KLK8: variants seen among roughly 807,000 people sequenced by gnomAD.
The protein encoded by KLK8 is kallikrein-8.
KLK8 carries 18 observed loss-of-function variants against 26.7 expected under a neutral mutation model. The observed-to-expected ratio is 0.67, with a 90% CI of 0.47 to 1.00. The LOEUF (loss-of-function observed/expected upper bound fraction) is 1.00, where lower values mean the gene tolerates loss of function less well. Ranked by LOEUF, KLK8 falls within the 50% of genes least tolerant of loss-of-function variation. The pLI is 0.00. For synonymous variants in KLK8, 137 were observed against 127.1 expected (o/e 1.08, Z -0.52); for missense variants, 301 against 331.7 (o/e 0.91, Z 0.72).
At position 51,000,122 on chromosome 19, in the gene KLK8, G is replaced by C. The variant is rs566546307; in HGVS notation, c.367C>G (p.Leu123Val). 6 of 1,613,998 alleles carry C rather than the reference G, an allele frequency of 3.7e-6. No homozygotes were observed. Among genetic ancestry groups the C allele is most frequent in the Non-Finnish European group, 5.1e-6 (6 of 1,179,980 alleles). ...GATGCCTGGTCACGCAGTTGAAGAA[G>C]CATCAGATCATGGTTGTGGTCCTCC... The change falls in exon 5 of 7, where the codon CTT becomes GTT. Residue 123 changes from leucine to valine, a missense_variant. Transcript: ENST00000600767.
At chr19:50,998,134 A>C (rs2091187553) in intron 5 of KLK8, among the ~76,000 whole-genome samples, 2 of 151,988 alleles carry the variant, frequency 1.3e-5, no homozygotes. Flanking sequence ...ACCCTGAGCC[A>C]TTTTCAAATC....
rs535076277 is a variant in KLK8 at position 51,001,430 on chromosome 19, G to A, written c.-9+102C>T. The A allele has an allele frequency of 1.4e-5, 7 of 492,870 alleles. No homozygotes were observed. In the East Asian group the frequency reaches 2.5e-4, roughly 17 times the overall value. 30.5% of individuals were successfully genotyped at this position (492,870 alleles called of 1,614,324 possible). A position where few individuals can be genotyped will look rare whatever the true frequency, so the allele number is the denominator to read the frequency against. ...AGAGGAGGAAGCCGGGGTCCAGACT[G>A]CTGGATCTCGACAGAGAAGGGCATC... On this transcript the variant is annotated intron_variant, in intron 2 of 6. Transcript: ENST00000600767.
At chr19:50,996,260 A>G in intron 6 of KLK8, 46 bp from the exon 6 acceptor site, 1 of 1,595,280 alleles carries the variant, frequency 6.3e-7, no homozygotes, top group Non-Finnish European at 8.6e-7. Context: ...GATGTCCACA[A>G]CGTCCCTTTT....
At chr19:50,999,156 T>C (rs2091196456) in intron 5 of KLK8, 1 of 152,194 alleles carries the variant, frequency 6.6e-6, no homozygotes, top group Admixed American at 6.5e-5. Flanking sequence ...AGGGACAGCT[T>C]CATTGGAGGT....
chr19:51,000,782 T>G (rs1319607852), intron 3 of KLK8, 199 bp from the exon 3 acceptor site: 2 of 1,460,422 alleles, frequency 1.4e-6, no homozygotes, highest in African/African-American at 2.8e-5. Context: ...CACCCAAGAA[T>G]GCCCCCACAT....
rs189518767 is a variant in KLK8 at position 51,001,235 on chromosome 19, T to C, written c.-8-60A>G. The C allele has an allele frequency of 2.6e-4, 390 of 1,483,514 alleles. 1 individual carries two copies. In the African/African-American group the frequency reaches 3.4e-3, roughly 13 times the overall value. 91.9% of individuals were successfully genotyped at this position (1,483,514 alleles called of 1,614,324 possible). ...AAGGAGGAGCCTGAGCTCCCAGTTC[T>C]GGATTTGGGCACTGGGGAGGCAGCC... On this transcript the variant is annotated intron_variant, in intron 2 of 6. Coordinates refer to ENST00000600767, the Ensembl canonical transcript of KLK8.
chr19:50,996,939 C>CACACACACA (rs2091175929), intron 6 of KLK8, among the ~76,000 whole-genome samples: 1 of 143,212 alleles, frequency 7.0e-6, no homozygotes, highest in Non-Finnish European at 1.5e-5. Flanking sequence ...CACACACACA[C>CACACACACA]CATATCCCCA....
At chr19:51,001,038 C>G in intron 3 of KLK8, 60 bp downstream of exon 2, 13 of 1,484,766 alleles carry the variant, frequency 8.8e-6, no homozygotes, top group Non-Finnish European at 1.2e-5. Context: ...CCACAGACTC[C>G]CCAGCGCCAC....
At chr19:50,996,921 CACACACACACACACA>C (rs1568554316) in intron 6 of KLK8, among the ~76,000 whole-genome samples, 52 of 151,518 alleles carry the variant, frequency 3.4e-4, no homozygotes, top group South Asian at 2.7e-3. Context: ...CACACACACA[CACACACACACACACA>C]CACCATATCC....
chr19:50,999,658 T>C (rs1318817738), intron 5 of KLK8, among the ~76,000 whole-genome samples: 1 of 132,892 alleles, frequency 7.5e-6, no homozygotes, highest in Non-Finnish European at 1.5e-5. Flanking sequence ...CTTAGGAGCC[T>C]GTTTTCCTGG....
intron 5 of KLK8, among the ~76,000 whole-genome samples, chr19:50,999,724 AACCAAAGG>A (rs1568555610): frequency 6.6e-6 from 1 of 151,564 alleles, no homozygotes; most frequent in Non-Finnish European, 1.5e-5. Flanking sequence ...AATCCTATAC[AACCAAAGG>A]TCCCATAGGG....
At chr19:51,001,436 T>C (rs2091226049) in intron 2 of KLK8, 96 bp downstream of exon 1, 1 of 478,476 alleles carries the variant, frequency 2.1e-6, no homozygotes, top group Non-Finnish European at 3.8e-6. Context: ...GACTGCTGGA[T>C]CTCGACAGAG....
At chr19:51,000,433 C>T (rs2091211951) in exon 4 of KLK8, 2 of 1,606,562 alleles carry the variant, frequency 1.2e-6, no homozygotes, top group East Asian at 2.2e-5. Context: ...CGGTTTTTTA[C>T]AGTGGGCAGC....
rs1701946 is a variant in KLK8, at chr19:51,000,268, T to C, written c.231-10A>G. 0.46 allele frequency: 712,963 copies of C among 1,566,868 alleles called. 169,797 individuals are homozygous for C. Among genetic ancestry groups the C allele is most frequent in the African/African-American group, 0.84 (61,848 of 74,062 alleles). On this transcript the variant is annotated splice_polypyrimidine_tract_variant and intron_variant, in intron 4 of 6. Coordinates refer to ENST00000600767, the Ensembl canonical transcript of KLK8. Reference sequence around the variant, plus strand: ...GCGTACTGTGTATTTCCTGTAATGGTGGGGATAGTTTGGGACCCAGGCAGG... The same window carrying C: ...GCGTACTGTGTATTTCCTGTAATGGCGGGGATAGTTTGGGACCCAGGCAGG...
rs750333066 is a variant in KLK8, at chr19:51,000,588, A to AG, written c.71-6dup. ...CCTCCTGTGCCCTGGAGTGTCCTGC[A>AG]GCAGGAGGGAGAGGGTTGGATCGCC... is the stretch of plus-strand genomic sequence containing the variant. On this transcript the variant is annotated splice_polypyrimidine_tract_variant and splice_region_variant and intron_variant, in intron 3 of 6. Transcript: ENST00000600767. 3 of 1,613,686 alleles carry AG rather than the reference A, an allele frequency of 1.9e-6. No individual in the cohort carries two copies. In the African/African-American group the frequency reaches 4.0e-5, roughly 22 times the overall value.
chr19:50,998,802 A>G (rs1276305094), intron 5 of KLK8, among the ~76,000 whole-genome samples: 2 of 152,226 alleles, frequency 1.3e-5, no homozygotes, highest in East Asian at 1.9e-4. Flanking sequence ...GGAGAACACA[A>G]TGAAGAAAAC....
At chr19:50,997,583 G>A (rs977931523) in intron 6 of KLK8, among the ~76,000 whole-genome samples, 168 bp downstream of exon 5, 6 of 152,136 alleles carry the variant, frequency 3.9e-5, no homozygotes, top group African/African-American at 1.4e-4. Flanking sequence ...TTCAGAGAGA[G>A]AGTTTGGCTT....
chr19:51,000,022 C>G (rs1487712488), exon 5 of KLK8: 2 of 1,606,786 alleles, frequency 1.2e-6, no homozygotes, highest in Admixed American at 1.7e-5. Context: ...AGTGCCCCAG[C>G]CTGAGACGGT....
intron 6 of KLK8, among the ~76,000 whole-genome samples, chr19:50,996,500 G>A (rs56353555): frequency 0.012 from 1,769 of 152,062 alleles, 32 homozygotes; most frequent in African/African-American, 0.041. Flanking sequence ...TTGGGAGGCC[G>A]AGGCGGTAGA....
Sources: gnomAD v4.1 joint callset for allele counts (sites outside exome capture counted in the v4.1 genomes callset) on GRCh38, gnomAD v4.1.1 for gene constraint, MANE v1.5 for transcripts, NCBI Gene and HGNC (gene_info 2026-07-23, HGNC 2026-07-21) for gene names.